The following SBF1 variants were observed in gnomAD, a reference collection of about 807,000 sequenced individuals.
The protein encoded by SBF1 is myotubularin-related protein 5.
SBF1 carries 65 observed loss-of-function variants against 215.8 expected under a neutral mutation model. The observed-to-expected ratio is 0.30, with a 90% CI of 0.25 to 0.37. SBF1 has a LOEUF of 0.37. Among genes scored for constraint, SBF1 ranks in the 10% least tolerant of loss-of-function variants. The pLI, the probability that SBF1 is intolerant of heterozygous loss-of-function variation, is 1.00. For missense variants in SBF1, 2,634 were observed against 2,667.8 expected, an observed-to-expected ratio of 0.99 and a Z score of 0.28; for synonymous variants, 1,410 against 1,122.8, an observed-to-expected ratio of 1.26 and a Z score of -5.11.
chr22:50,454,568 G>A lies in SBF1; in HGVS notation c.4987C>T (p.Pro1663Ser), dbSNP rs372406513. ...GCCCGCGGGCAGCTGTCGTAACAGG[G>A]CCACACCACGCGGCGCCTGCTCTGG... The part of the protein sequence containing the change: ...APQSRRRVVW[P>S]CYDSCPRAQP... Residue 1663 changes from proline to serine, a missense_variant, in exon 36 of 41, where the codon CCC becomes TCC. Coordinates refer to ENST00000380817, the MANE Select transcript of SBF1 (RefSeq NM_002972.4). The A allele has an allele frequency of 4.7e-5, 76 of 1,611,626 alleles. No individual in the cohort carries two copies. Among genetic ancestry groups the A allele is most frequent in the Non-Finnish European group, 5.8e-5 (68 of 1,179,804 alleles).
chr22:50,461,029 C>T (rs1423266106), intron 23 of SBF1, 130 bp downstream of exon 23: 3 of 1,250,192 alleles, frequency 2.4e-6, no homozygotes, highest in Non-Finnish European at 3.2e-6. Context: ...GTGAGGGCCC[C>T]AGACATGCAA....
chr22:50,473,419 G>A lies in SBF1; in HGVS notation c.55+1367C>T, dbSNP rs1022329155. Among the ~76,000 whole-genome samples, 9 of 152,294 alleles carry A rather than the reference G, an allele frequency of 5.9e-5. No individual in the cohort carries two copies. In the East Asian group the frequency reaches 7.7e-4, roughly 13 times the overall value. On this transcript the variant is annotated intron_variant, in intron 1 of 40. Coordinates refer to ENST00000380817, the MANE Select transcript of SBF1 (RefSeq NM_002972.4). ...TCTGTGGGTCAAGACAACATTGACA[G>A]CCAACCTGCACAGTGGGGATGAGGA...
chr22:50,459,330 A>G lies in SBF1; in HGVS notation c.3751T>C (p.Ser1251Pro). Residue 1251 changes from serine to proline, a missense_variant, in exon 28 of 41, where the codon TCC (serine) becomes CCC (proline). By Grantham distance (74) the Ser-to-Pro change is moderately conservative. Transcript: ENST00000380817. ...GACGCGTCGGCGTAGCGGGGCATGG[A>G]GCTGACCACAGCCTGCAGGTACTTC... ...QEKYLQAVVS[S>P]MPRYADASGR... The G allele has an allele frequency of 6.2e-7, 1 of 1,612,826 alleles. No homozygotes were observed. The highest frequency in any genetic ancestry group is 8.5e-7 in the Non-Finnish European group (1 of 1,179,648).
chr22:50,459,170 T>C, intron 28 of SBF1, 85 bp downstream of exon 28: 4 of 1,509,122 alleles, frequency 2.7e-6, no homozygotes, highest in East Asian at 4.8e-5. Context: ...TTTCTGCTCC[T>C]CCCTGGCCTG....
chr22:50,457,142 CTAGCCCCAGGCCTGGGCGTGCCCAGCT>C, intron 28 of SBF1, 31 bp from the exon 29 acceptor site: 1 of 1,445,342 alleles, frequency 6.9e-7, no homozygotes. Context: ...AGGCTCAGGC[CTAGCCCCAGGCCTGGGCGTGCCCAGCT>C]TGGGGGTGCC....
At chr22:50,467,260 G>T in intron 5 of SBF1, 78 bp downstream of exon 5, 1 of 1,206,506 alleles carries the variant, frequency 8.3e-7, no homozygotes, top group Non-Finnish European at 1.2e-6. Flanking sequence ...TGTGGCTCTG[G>T]CTGGGCTCCA....
intron 36 of SBF1, among the ~76,000 whole-genome samples, chr22:50,449,848 T>C (rs1453791185): frequency 6.6e-6 from 1 of 152,116 alleles, no homozygotes; most frequent in Non-Finnish European, 1.5e-5. Context: ...TCCCTCCATA[T>C]GCAAATGATG....
In SBF1 at chr22:50,455,183, G is replaced by A. The variant is rs768292216; in HGVS notation, c.4554+41C>T. ...GTCAGGGGCCAGGGCTCAGCGGTCA[G>A]GGTGCACAGTCCCGGCCCACCCACA... On this transcript the variant is annotated intron_variant, in intron 33 of 40. Coordinates refer to ENST00000380817, the MANE Select transcript of SBF1 (RefSeq NM_002972.4). 27 of 1,613,602 alleles carry A rather than the reference G, an allele frequency of 1.7e-5. No individual in the cohort carries two copies. In the Admixed American group the frequency reaches 4.3e-4, roughly 26 times the overall value.
Position 50,454,698 on chromosome 22 carries a change from G to T in SBF1, c.4857C>A (p.Asp1619Glu), listed in dbSNP as rs956315341. Residue 1619 changes from aspartate (D) to glutamate (E), a missense_variant, in exon 36 of 41, where the codon GAC (aspartate) becomes GAA (glutamate). By Grantham distance (45) the Asp-to-Glu change is conservative. Transcript: ENST00000380817. The part of the protein sequence containing the change: ...YSNVSNLKVW[D>E]FYTEETLAEG... ...CGGCCAGCGTCTCCTCAGTGTAGAA[G>T]TCCCACACCTTCAGGTTGGACACGT... The T allele has an allele frequency of 7.0e-6, 11 of 1,568,644 alleles. No individual in the cohort carries two copies. Among genetic ancestry groups the T allele is most frequent in the Non-Finnish European group, 9.5e-6 (11 of 1,159,012 alleles).
intron 28 of SBF1, among the ~76,000 whole-genome samples, chr22:50,458,808 G>A (rs1424436897): frequency 6.6e-6 from 1 of 152,196 alleles, no homozygotes; most frequent in Non-Finnish European, 1.5e-5. Flanking sequence ...GGCAGAGCCA[G>A]GCCAGAGGCT....
At position 50,461,230 on chromosome 22, in the gene SBF1, G is replaced by T. The variant is rs753562509; in HGVS notation, c.2896C>A (p.Arg966Ser). Residue 966 changes from arginine to serine, a missense_variant, in exon 23 of 41, where the codon CGC (arginine) becomes AGC (serine). Coordinates refer to ENST00000380817, the MANE Select transcript of SBF1 (RefSeq NM_002972.4). ...FPVAALTKEK[R>S]ISVQTPVDQL... ...TCCACAGGGGTCTGGACGCTGATGC[G>T]CTTCTCCTTGGTCAGCGCAGCCACC... 1 of 1,613,246 alleles carries T rather than the reference G, an allele frequency of 6.2e-7. No individual in the cohort carries two copies.
intron 1 of SBF1, among the ~76,000 whole-genome samples, chr22:50,470,588 C>G (rs2067960958): frequency 6.6e-6 from 1 of 152,166 alleles, no homozygotes; most frequent in Admixed American, 6.5e-5. Flanking sequence ...CAGAGCACCC[C>G]CTCCCCTGGG....
At chr22:50,463,213 AC>A (rs1407966276) in intron 16 of SBF1, 69 bp downstream of exon 16, 1 of 1,584,020 alleles carries the variant, frequency 6.3e-7, no homozygotes, top group African/African-American at 1.3e-5. Context: ...TCACTCACAG[AC>A]CAGGGTCTGC....
chr22:50,456,224 G>A lies in SBF1; in HGVS notation c.4258C>T (p.Leu1420=), dbSNP rs746117760. 1.7e-5 allele frequency: 28 copies of A among 1,611,632 alleles called. No individual in the cohort carries two copies. The highest frequency in any genetic ancestry group is 2.1e-5 in the Non-Finnish European group (25 of 1,179,824). ...CGGGGCAGTGCAGAGACCTGGATCA[G>A]CCACTCTGAGTCCTCCAGTGAGCGC... ...FLRSLEDSEW[L]IQIHKLLQVS... Residue 1420 remains leucine, a synonymous_variant, in exon 31 of 41, where the codon CTG becomes TTG. Coordinates refer to ENST00000380817, the MANE Select transcript of SBF1 (RefSeq NM_002972.4).
In SBF1 at chr22:50,456,634, C is replaced by T; in HGVS notation, c.3944G>A (p.Gly1315Asp). ...GSVRTSGRSS[G>D]LGTDVGSRLA... is the part of the protein sequence containing the mutation. ...CCGGGAGCCCACATCGGTGCCAAGGCCACTGCTGCGTCCACTGGTCCGGAC... is the reference window on the plus strand; with the variant it reads ...CCGGGAGCCCACATCGGTGCCAAGGTCACTGCTGCGTCCACTGGTCCGGAC... The change falls in exon 30 of 41, where the codon GGC becomes GAC. Residue 1315 changes from glycine to aspartate, a missense_variant. Coordinates refer to ENST00000380817, the MANE Select transcript of SBF1 (RefSeq NM_002972.4). 6.6e-7 allele frequency: 1 copy of T among 1,510,554 alleles called. No individual in the cohort carries two copies. Among genetic ancestry groups the T allele is most frequent in the African/African-American group, 1.4e-5 (1 of 71,900 alleles). 93.6% of individuals were successfully genotyped at this position (1,510,554 alleles called of 1,614,324 possible).
rs116841323 is a variant in SBF1, at chr22:50,453,940, G to A, written c.5043+572C>T. Among the ~76,000 whole-genome samples the A allele has an allele frequency of 2.5e-3, 379 of 152,072 alleles. 1 individual carries two copies. Among genetic ancestry groups the A allele is most frequent in the Middle Eastern group, 6.8e-3 (2 of 294 alleles). ...ATGGCCCCAAAAGGTAGCACCACGCGCAGGACACTGCCTCAGGCCTTACAC... is the reference window on the plus strand; with the variant it reads ...ATGGCCCCAAAAGGTAGCACCACGCACAGGACACTGCCTCAGGCCTTACAC... On this transcript the variant is annotated intron_variant, in intron 36 of 40. Transcript: ENST00000380817.
At position 50,454,651 on chromosome 22, in the gene SBF1, TC is replaced by T. The variant is rs751031507; in HGVS notation, c.4903del (p.Glu1635AsnfsTer70). ...GGGTTCAGGGGGCCCCTGGGCCAGT[TC>T]CCAGTCATAGGGAGGGCCCTCGGCC... ...TLAEGPPYDW[E>X]LAQGPPEPPE... On this transcript the variant is annotated frameshift_variant, in exon 36 of 41. Coordinates refer to ENST00000380817, the MANE Select transcript of SBF1 (RefSeq NM_002972.4). LOFTEE classifies it high-confidence loss of function. The T allele has an allele frequency of 6.3e-7, 1 of 1,593,660 alleles. No homozygotes were observed. The highest frequency in any genetic ancestry group is 8.5e-7 in the Non-Finnish European group (1 of 1,169,904).
At chr22:50,447,643 C>G (rs754813141) in intron 38 of SBF1, 34 bp from the exon 39 acceptor site, 1 of 1,512,288 alleles carries the variant, frequency 6.6e-7, no homozygotes, top group African/African-American at 1.4e-5. Flanking sequence ...CCAGGCTGAC[C>G]GTCATGGCCC....
At position 50,460,419 on chromosome 22, in the gene SBF1, CGA is replaced by C. The variant is rs2148585696; in HGVS notation, c.3147-13_3147-12del. 3 of 1,606,720 alleles carry C rather than the reference CGA, an allele frequency of 1.9e-6. No homozygotes were observed. Among genetic ancestry groups the C allele is most frequent in the Non-Finnish European group, 2.6e-6 (3 of 1,175,392 alleles). On this transcript the variant is annotated splice_polypyrimidine_tract_variant and intron_variant, in intron 24 of 40. Transcript: ENST00000380817. The stretch of plus-strand genomic sequence containing the variant: ...TTCCGGGACAGGGTTCTGAGGCCCA[CGA>C]GAGTCAGCAAAGGTGAGAGGAGGAG...
Sources: allele counts gnomAD v4.1 joint callset (sites outside exome capture counted in the v4.1 genomes callset), GRCh38; gene constraint gnomAD v4.1.1; transcripts MANE v1.5; gene names NCBI Gene and HGNC (gene_info 2026-07-23, HGNC 2026-07-21).